The following UVRAG variants were observed in gnomAD, a reference collection of about 807,000 sequenced individuals.
UVRAG encodes the protein UV radiation resistance-associated gene protein.
Under a neutral mutation model 78.0 loss-of-function variants are expected in UVRAG, and 19 were observed. The ratio of observed to expected loss-of-function variants is 0.24; its 90% CI spans 0.17 to 0.36. UVRAG has a LOEUF of 0.36. Among genes scored for constraint, UVRAG ranks in the 10% least tolerant of loss-of-function variants. The pLI, the probability that UVRAG is intolerant of heterozygous loss-of-function variation, is 1.00. For synonymous variants in UVRAG, 323 were observed against 324.6 expected (o/e 1.00, Z 0.05); for missense variants, 740 against 853.8 (o/e 0.87, Z 1.66).
Position 75,816,850 on chromosome 11 carries a change from G to A in UVRAG, c.117+1326G>A, listed in dbSNP as rs1945272016. 3.9e-5 allele frequency among the ~76,000 whole-genome samples: 6 copies of A among 152,190 alleles called. 1 individual carries two copies. The highest frequency in any genetic ancestry group is 3.9e-4 in the Admixed American group (6 of 15,276). ...GTTGAAAAGTGAAATGGATTTGAGTGCAGTAAAGGAGGCGGGGGCTAAAGG... is the reference window on the plus strand; with the variant it reads ...GTTGAAAAGTGAAATGGATTTGAGTACAGTAAAGGAGGCGGGGGCTAAAGG... On this transcript the variant is annotated intron_variant, in intron 1 of 14. Transcript: ENST00000356136.
At chr11:75,972,083 G>A (rs550386533) in intron 7 of UVRAG, among the ~76,000 whole-genome samples, 16 of 151,996 alleles carry the variant, frequency 1.1e-4, no homozygotes, top group African/African-American at 3.4e-4. Context: ...GTGAGACCCC[G>A]TCTGTATTTT....
chr11:75,822,524 A>G (rs1851483742), intron 1 of UVRAG, among the ~76,000 whole-genome samples: 1 of 152,138 alleles, frequency 6.6e-6, no homozygotes. Context: ...CCTACTTCAC[A>G]TGCCAGACGT....
intron 13 of UVRAG, among the ~76,000 whole-genome samples, chr11:76,066,319 G>A (rs369952917): frequency 1.3e-5 from 2 of 151,998 alleles, no homozygotes; most frequent in African/African-American, 2.4e-5. Flanking sequence ...ATGTCTTTCC[G>A]TATGCCGTAG....
intron 3 of UVRAG, among the ~76,000 whole-genome samples, chr11:75,878,753 C>A (rs866977218): frequency 6.6e-6 from 1 of 152,096 alleles, no homozygotes; most frequent in Non-Finnish European, 1.5e-5. Context: ...CGCAGGCACT[C>A]GGCAGGCTGA....
At chr11:76,126,042 C>T (rs1038296678) in intron 14 of UVRAG, among the ~76,000 whole-genome samples, 17 of 151,700 alleles carry the variant, frequency 1.1e-4, no homozygotes, top group African/African-American at 3.4e-4. Flanking sequence ...CTCCGCCTCC[C>T]GGGTTCACGC....
chr11:76,088,793 G>A (rs1455201477), intron 13 of UVRAG, among the ~76,000 whole-genome samples: 1 of 152,126 alleles, frequency 6.6e-6, no homozygotes, highest in East Asian at 1.9e-4. Flanking sequence ...TTGCCCTCCT[G>A]AACAGAGTTA....
At chr11:76,138,743 C>A (rs1952644119) in intron 14 of UVRAG, among the ~76,000 whole-genome samples, 1 of 152,224 alleles carries the variant, frequency 6.6e-6, no homozygotes, top group African/African-American at 2.4e-5. Flanking sequence ...CGGGCTGTTT[C>A]ACCTGGTGCT....
chr11:76,086,852 A>G (rs1203118486), intron 13 of UVRAG, among the ~76,000 whole-genome samples: 1 of 152,250 alleles, frequency 6.6e-6, no homozygotes, highest in African/African-American at 2.4e-5. Context: ...AGCAGCAGCT[A>G]TTATAACATG....
chr11:75,874,833 T>C (rs916572342), intron 3 of UVRAG, among the ~76,000 whole-genome samples: 1 of 152,214 alleles, frequency 6.6e-6, no homozygotes, highest in Non-Finnish European at 1.5e-5. Flanking sequence ...TTCAACAACG[T>C]GGCTTCATTA....
intron 13 of UVRAG, among the ~76,000 whole-genome samples, chr11:76,097,234 C>T (rs1364504466): frequency 1.3e-5 from 2 of 152,118 alleles, no homozygotes; most frequent in Admixed American, 6.6e-5. Context: ...CTCTGGGGCA[C>T]CTGGAATTCA....
At chr11:76,032,233 G>A (rs923585166) in intron 12 of UVRAG, among the ~76,000 whole-genome samples, 1 of 152,066 alleles carries the variant, frequency 6.6e-6, no homozygotes, top group African/African-American at 2.4e-5. Flanking sequence ...TTTATGTCCT[G>A]GGTAATGGTA....
chr11:76,026,032 G>A (rs1446732444), intron 12 of UVRAG, among the ~76,000 whole-genome samples: 1 of 152,128 alleles, frequency 6.6e-6, no homozygotes, highest in Non-Finnish European at 1.5e-5. Flanking sequence ...TGAGCAGGCT[G>A]ATTCCTTATC....
At chr11:75,860,107 G>A (rs12278925) in intron 2 of UVRAG, among the ~76,000 whole-genome samples, 11,999 of 152,210 alleles carry the variant, frequency 0.079, 532 homozygotes, top group East Asian at 0.17. Flanking sequence ...ACCACACCTG[G>A]CTAATTTTTG....
At chr11:76,000,120 C>A (rs1165526594) in intron 8 of UVRAG, among the ~76,000 whole-genome samples, 2 of 151,890 alleles carry the variant, frequency 1.3e-5, no homozygotes, top group African/African-American at 4.8e-5. Context: ...GAGAAAGGAA[C>A]AAAGAAGAAA....
In UVRAG at chr11:76,140,867, C is replaced by T; in HGVS notation, c.1554C>T (p.Thr518=). ...SSENERLQYK[T]PPPSYNSALA... is the part of the protein sequence containing the mutation. ...AGAATGAGAGACTTCAGTACAAAAC[C>T]CCTCCTCCCAGTTACAACTCAGCAT... Residue 518 remains threonine (T), a synonymous_variant, in exon 15 of 15, where the codon ACC becomes ACT. Coordinates refer to ENST00000356136, the MANE Select transcript of UVRAG (RefSeq NM_003369.4). 6.2e-7 allele frequency: 1 copy of T among 1,614,120 alleles called. No homozygotes were observed. The highest frequency in any genetic ancestry group is 8.5e-7 in the Non-Finnish European group (1 of 1,180,028).
chr11:75,902,254 C>A (rs1414462265), intron 5 of UVRAG, among the ~76,000 whole-genome samples: 1 of 152,176 alleles, frequency 6.6e-6, no homozygotes, highest in African/African-American at 2.4e-5. Flanking sequence ...TTGTGGAAGA[C>A]AAGTTTTTCC....
intron 13 of UVRAG, among the ~76,000 whole-genome samples, chr11:76,107,911 A>G (rs1275814734): frequency 1.3e-5 from 2 of 152,154 alleles, no homozygotes; most frequent in African/African-American, 4.8e-5. Flanking sequence ...ACATAAGGCA[A>G]ATCTCTAAAG....
At chr11:75,831,208 G>T (rs561725191) in intron 1 of UVRAG, among the ~76,000 whole-genome samples, 1 of 152,184 alleles carries the variant, frequency 6.6e-6, no homozygotes, top group Non-Finnish European at 1.5e-5. Flanking sequence ...CTAGTGGGTG[G>T]CCGGGAACGG....
At chr11:76,007,430 T>G (rs940107904) in intron 9 of UVRAG, 104 bp from the exon 10 acceptor site, 10 of 890,348 alleles carry the variant, frequency 1.1e-5, no homozygotes, top group Admixed American at 2.4e-5. Flanking sequence ...TGTGGCCTAT[T>G]ACAGACAGTA....
Sources: gnomAD v4.1 joint callset for allele counts (sites outside exome capture counted in the v4.1 genomes callset) on GRCh38, gnomAD v4.1.1 for gene constraint, MANE v1.5 for transcripts, NCBI Gene and HGNC (gene_info 2026-07-23, HGNC 2026-07-21) for gene names.